The following HDHD5 variants were observed in gnomAD, a reference collection of about 807,000 sequenced individuals.
HDHD5 encodes the protein haloacid dehalogenase like hydrolase domain containing 5, also known as haloacid dehalogenase-like hydrolase domain-containing 5.
Under a neutral mutation model 35.5 loss-of-function variants are expected in HDHD5, and 34 were observed. The ratio of observed to expected loss-of-function variants is 0.96; its 90% CI spans 0.73 to 1.28. HDHD5 has a LOEUF of 1.28. HDHD5 is among the 50% of genes most tolerant of loss of function. The pLI is 0.00. For synonymous variants in HDHD5, 248 were observed against 240.6 expected (o/e 1.03, Z -0.29); for missense variants, 589 against 560.2 (o/e 1.05, Z -0.52).
At chr22:17,164,274 A>G (rs1173325315), upstream of HDHD5, among the ~76,000 whole-genome samples, 1 of 150,664 alleles carries the variant, frequency 6.6e-6, no homozygotes, top group Non-Finnish European at 1.5e-5. Context: ...TCATACTCCT[A>G]CTTTCTCCAC....
intron 5 of HDHD5, chr22:17,142,784 G>A (rs1347753986): frequency 6.8e-6 from 2 of 294,014 alleles, no homozygotes; most frequent in East Asian, 1.6e-4. Context: ...ATATTCCAAT[G>A]TTCTTGGTAT....
At chr22:17,153,528 G>A (rs1312987197) in intron 1 of HDHD5, among the ~76,000 whole-genome samples, 1 of 152,088 alleles carries the variant, frequency 6.6e-6, no homozygotes, top group Non-Finnish European at 1.5e-5. Context: ...TATTCCCCAA[G>A]AAATCTCACT....
intron 1 of HDHD5, among the ~76,000 whole-genome samples, chr22:17,153,299 CA>C (rs1316924207): frequency 1.3e-5 from 2 of 152,182 alleles, no homozygotes; most frequent in Non-Finnish European, 2.9e-5. Context: ...ACAAATAAGG[CA>C]TCAACCTCAA....
At chr22:17,151,802 A>G (rs1242515167) in intron 1 of HDHD5, among the ~76,000 whole-genome samples, 2 of 151,844 alleles carry the variant, frequency 1.3e-5, no homozygotes, top group Non-Finnish European at 2.9e-5. Context: ...TCCAGTACCT[A>G]CTTTTTAGCT....
At chr22:17,140,880 A>G (rs1000669755) in intron 6 of HDHD5, among the ~76,000 whole-genome samples, 179 bp downstream of exon 6, 2 of 152,214 alleles carry the variant, frequency 1.3e-5, no homozygotes, top group Non-Finnish European at 2.9e-5. Flanking sequence ...AGTAACTAAT[A>G]TGTGGAGTGG....
chr22:17,163,376 C>T (rs547286122), upstream of HDHD5, among the ~76,000 whole-genome samples: 42 of 152,296 alleles, frequency 2.8e-4, no homozygotes, highest in African/African-American at 8.9e-4. Context: ...AGATTGATGG[C>T]GCTCCCTTTG....
rs140503307 is a variant in HDHD5, at chr22:17,138,685, G to T, written c.800C>A (p.Thr267Lys). 25 of 1,614,086 alleles carry T rather than the reference G, an allele frequency of 1.5e-5. No homozygotes were observed. Among genetic ancestry groups the T allele is most frequent in the Non-Finnish European group, 2.0e-5 (24 of 1,180,042 alleles). ...LCLETIYQKV[T>K]GKELRYEGLM... is the part of the protein sequence containing the mutation. ...GCCCTCGTATCTCAGCTCCTTGCCC[G>T]TCACTTTCTGGTAAATGGTTTCCAG... The change falls in exon 7 of 8, where the codon ACG (threonine) becomes AAG (lysine). Residue 267 changes from threonine to lysine, a missense_variant. Coordinates refer to ENST00000336737, the MANE Select transcript of HDHD5 (RefSeq NM_033070.3).
chr22:17,162,684 G>A (rs1055360571), upstream of HDHD5, among the ~76,000 whole-genome samples: 2 of 152,218 alleles, frequency 1.3e-5, no homozygotes, highest in African/African-American at 4.8e-5. Context: ...GATTCTCTGG[G>A]TTCATAAGCC....
upstream of HDHD5, chr22:17,159,297 C>CCA (rs1555882066): frequency 4.3e-5 from 52 of 1,221,068 alleles, no homozygotes; most frequent in Non-Finnish European, 5.2e-5. Context: ...CCCCCCCCCC[C>CCA]CGCGAGTCCG....
chr22:17,162,959 T>G (rs557448475), upstream of HDHD5, among the ~76,000 whole-genome samples: 1 of 152,358 alleles, frequency 6.6e-6, no homozygotes, highest in South Asian at 2.1e-4. Context: ...TAACGCATCT[T>G]TATTTTGATT....
chr22:17,161,255 A>G (rs896416464), upstream of HDHD5, among the ~76,000 whole-genome samples: 3 of 150,078 alleles, frequency 2.0e-5, no homozygotes, highest in Admixed American at 1.3e-4. Flanking sequence ...CAAAAAAAAA[A>G]AAAAAAGAAA....
At position 17,148,467 on chromosome 22, in the gene HDHD5, C is replaced by T. The variant is rs193274952; in HGVS notation, c.424G>A (p.Val142Met). 11 of 1,613,956 alleles carry T rather than the reference C, an allele frequency of 6.8e-6. No individual in the cohort carries two copies. The highest frequency in any genetic ancestry group is 6.7e-5 in the East Asian group (3 of 44,892). ...KRMLVSGQGPVMENAQGLGFR... is the reference protein window; with the variant it reads ...KRMLVSGQGPMMENAQGLGFR... ...GGATACCCCTGGGCATTTTCCATCA[C>T]GGGCCCCTGTCCAGACACCAGCATC... The change falls in exon 3 of 8, where the codon GTG (valine) becomes ATG (methionine). Residue 142 changes from valine to methionine, a missense_variant. Transcript: ENST00000336737.
intron 3 of HDHD5, among the ~76,000 whole-genome samples, chr22:17,148,196 C>T (rs1156406647): frequency 6.6e-6 from 1 of 152,126 alleles, no homozygotes; most frequent in Non-Finnish European, 1.5e-5. Flanking sequence ...AAGGCTCCAG[C>T]GCAGATACCC....
At chr22:17,157,094 A>ACACACACC (rs1184574387) in intron 1 of HDHD5, among the ~76,000 whole-genome samples, 1 of 79,012 alleles carries the variant, frequency 1.3e-5, no homozygotes, top group Non-Finnish European at 3.0e-5. Flanking sequence ...ATACACACAC[A>ACACACACC]CACACACACA....
chr22:17,157,074 T>TCACACACACACACACACACA (rs1388907001), intron 1 of HDHD5, among the ~76,000 whole-genome samples: 5 of 52,846 alleles, frequency 9.5e-5, no homozygotes, highest in Admixed American at 4.2e-4. Flanking sequence ...CTAGACACCG[T>TCACACACACACACACACACA]CTCACACACA....
chr22:17,157,537 T>A (rs1264727722), intron 1 of HDHD5, among the ~76,000 whole-genome samples: 4 of 152,208 alleles, frequency 2.6e-5, no homozygotes, highest in Non-Finnish European at 5.9e-5. Context: ...TCATCCTGCA[T>A]TCTTCTTTTT....
intron 6 of HDHD5, among the ~76,000 whole-genome samples, chr22:17,140,610 A>G (rs1042734357): frequency 1.3e-5 from 2 of 151,468 alleles, no homozygotes; most frequent in African/African-American, 4.8e-5. Context: ...ACAAACAAAA[A>G]ACGACAAATC....
upstream of HDHD5, among the ~76,000 whole-genome samples, chr22:17,162,649 G>A (rs2061870691): frequency 6.6e-6 from 1 of 152,224 alleles, no homozygotes; most frequent in South Asian, 2.1e-4. Flanking sequence ...CAAAGACTGT[G>A]TGTGTACGTG....
intron 1 of HDHD5, among the ~76,000 whole-genome samples, chr22:17,158,074 A>G (rs1426116194): frequency 6.6e-6 from 1 of 152,164 alleles, no homozygotes; most frequent in Non-Finnish European, 1.5e-5. Context: ...TAATCTCACC[A>G]CTCTGGGAGG....
Sources: allele counts gnomAD v4.1 joint callset (sites outside exome capture counted in the v4.1 genomes callset), GRCh38; gene constraint gnomAD v4.1.1; transcripts MANE v1.5; gene names NCBI Gene and HGNC (gene_info 2026-07-23, HGNC 2026-07-21).